Variants in MEI4 observed in about 807,000 individuals in gnomAD.
The protein encoded by MEI4 is meiosis-specific protein MEI4.
A neutral mutation model predicts 31.4 loss-of-function variants in MEI4; 27 were observed. The observed-to-expected ratio is 0.86, with a 90% CI of 0.63 to 1.19. MEI4 has a LOEUF of 1.19. Among genes scored for constraint, MEI4 ranks in the 50% most tolerant of loss-of-function variants. The pLI is 0.00. For synonymous variants in MEI4, 122 were observed against 145.4 expected, an observed-to-expected ratio of 0.84 and a Z score of 1.16; for missense variants, 329 against 398.9, an observed-to-expected ratio of 0.82 and a Z score of 1.49.
chr6:77,879,884 T>C (rs1771436143), intron 4 of MEI4, among the ~76,000 whole-genome samples: 1 of 152,172 alleles, frequency 6.6e-6, no homozygotes. Context: ...TCCACATGTA[T>C]GAAGCAAACC....
At chr6:77,768,753 G>T (rs1582122411) in intron 3 of MEI4, among the ~76,000 whole-genome samples, 1 of 151,672 alleles carries the variant, frequency 6.6e-6, no homozygotes, top group African/African-American at 2.4e-5. Context: ...GGAAGGTCCT[G>T]TTCTGTGGTG....
chr6:77,855,131 T>C (rs542399888), intron 4 of MEI4, among the ~76,000 whole-genome samples: 2 of 151,936 alleles, frequency 1.3e-5, no homozygotes, highest in African/African-American at 4.8e-5. Flanking sequence ...TCACCTGAGG[T>C]CAGGAGTTTG....
intron 4 of MEI4, among the ~76,000 whole-genome samples, chr6:77,896,915 A>G (rs535097648): frequency 6.6e-6 from 1 of 152,160 alleles, no homozygotes; most frequent in East Asian, 1.9e-4. Flanking sequence ...AGTTGAGACT[A>G]TTGTTTCACT....
intron 1 of MEI4, among the ~76,000 whole-genome samples, chr6:77,685,737 G>A (rs1262562208): frequency 1.3e-5 from 2 of 151,928 alleles, no homozygotes; most frequent in Non-Finnish European, 1.5e-5. Context: ...ATGGGATAAG[G>A]GTCCAGTTTC....
chr6:77,697,337 T>G (rs1190861738), intron 2 of MEI4, among the ~76,000 whole-genome samples: 1 of 152,192 alleles, frequency 6.6e-6, no homozygotes, highest in African/African-American at 2.4e-5. Flanking sequence ...CTTGCTTTTC[T>G]TGTTCTTTTA....
At chr6:77,696,295 C>T (rs904380357) in intron 2 of MEI4, among the ~76,000 whole-genome samples, 4 of 152,114 alleles carry the variant, frequency 2.6e-5, no homozygotes, top group Admixed American at 1.3e-4. Context: ...GAACTTCCAA[C>T]ACTATGTTGA....
chr6:77,831,732 A>C (rs946948615), intron 4 of MEI4, among the ~76,000 whole-genome samples: 1 of 151,942 alleles, frequency 6.6e-6, no homozygotes, highest in South Asian at 2.1e-4. Context: ...GGCAGAGAGT[A>C]AATCACGGTT....
intron 2 of MEI4, among the ~76,000 whole-genome samples, chr6:77,692,709 C>G (rs1769180879): frequency 1.3e-5 from 2 of 152,008 alleles, no homozygotes; most frequent in Non-Finnish European, 2.9e-5. Flanking sequence ...AGGTTTCCCT[C>G]CTAGCCTACT....
At chr6:77,714,598 C>T (rs939943660) in intron 2 of MEI4, among the ~76,000 whole-genome samples, 3 of 152,194 alleles carry the variant, frequency 2.0e-5, no homozygotes, top group African/African-American at 4.8e-5. Flanking sequence ...GTGAAGACCA[C>T]GTTTTAAACA....
At chr6:77,734,167 A>C (rs890236966) in intron 2 of MEI4, among the ~76,000 whole-genome samples, 1 of 151,928 alleles carries the variant, frequency 6.6e-6, no homozygotes, top group African/African-American at 2.4e-5. Context: ...AGCTGAGTTC[A>C]ATTCCTGGGT....
At chr6:77,883,654 C>T (rs1771540031) in intron 4 of MEI4, among the ~76,000 whole-genome samples, 1 of 137,092 alleles carries the variant, frequency 7.3e-6, no homozygotes, top group Admixed American at 7.7e-5. Flanking sequence ...TTTTATGGCA[C>T]AATACTATTG....
At chr6:77,914,034 G>GAA (rs59888300) in intron 4 of MEI4, among the ~76,000 whole-genome samples, 53,406 of 138,826 alleles carry the variant, frequency 0.38, 11,371 homozygotes, top group African/African-American at 0.59. Context: ...ACTGTTTCAA[G>GAA]AAAAAAAAAA....
chr6:77,743,690 C>A (rs1474868534), intron 2 of MEI4, among the ~76,000 whole-genome samples: 4 of 152,112 alleles, frequency 2.6e-5, no homozygotes, highest in Non-Finnish European at 5.9e-5. Flanking sequence ...ACCCCTGACC[C>A]CCGAGCAGCC....
intron 4 of MEI4, among the ~76,000 whole-genome samples, chr6:77,907,597 T>G (rs1177438606): frequency 1.3e-5 from 2 of 152,184 alleles, no homozygotes; most frequent in Non-Finnish European, 2.9e-5. Context: ...GCAATAAACA[T>G]ATGTGTGCAT....
intron 3 of MEI4, among the ~76,000 whole-genome samples, chr6:77,780,708 GACCTAGCACAGTCCTT>G (rs1055532861): frequency 3.9e-5 from 6 of 151,980 alleles, no homozygotes; most frequent in Non-Finnish European, 8.8e-5. Flanking sequence ...CTAAACTAAG[GACCTAGCACAGTCCTT>G]AACATATTAT....
At chr6:77,917,019 T>C (rs1766574715) in intron 4 of MEI4, among the ~76,000 whole-genome samples, 2 of 143,758 alleles carry the variant, frequency 1.4e-5, no homozygotes, top group Non-Finnish European at 3.0e-5. Flanking sequence ...GAATATGCGG[T>C]GTTTGGTTTT....
intron 2 of MEI4, among the ~76,000 whole-genome samples, chr6:77,739,823 A>G: frequency 6.7e-6 from 1 of 150,360 alleles, no homozygotes; most frequent in East Asian, 1.9e-4. Context: ...GATTTTGATT[A>G]TTTCTTGTCT....
intron 4 of MEI4, among the ~76,000 whole-genome samples, chr6:77,866,364 T>A (rs565447125): frequency 2.6e-5 from 4 of 152,192 alleles, no homozygotes; most frequent in Non-Finnish European, 4.4e-5. Context: ...CTTAAGCTGA[T>A]AGGCAACTTC....
intron 3 of MEI4, among the ~76,000 whole-genome samples, chr6:77,800,726 C>T (rs1333997045): frequency 1.3e-5 from 2 of 152,058 alleles, no homozygotes; most frequent in Non-Finnish European, 2.9e-5. Flanking sequence ...TGTCAAAGGC[C>T]TTTTCTGCAT....
Sources: allele counts gnomAD v4.1 joint callset (sites outside exome capture counted in the v4.1 genomes callset), GRCh38; gene constraint gnomAD v4.1.1; transcripts MANE v1.5; gene names NCBI Gene and HGNC (gene_info 2026-07-23, HGNC 2026-07-21).